ITPR1: variants seen among roughly 807,000 people sequenced by gnomAD.
ITPR1 encodes the protein inositol 1,4,5-trisphosphate receptor type 1.
In ITPR1, 96 loss-of-function variants were observed where a neutral mutation model predicts 318.4. The ratio of observed to expected loss-of-function variants is 0.30; its 90% CI spans 0.26 to 0.36. The LOEUF is 0.36. Among genes scored for constraint, ITPR1 ranks in the 10% least tolerant of loss-of-function variants. The probability of loss-of-function intolerance (pLI) is 1.00; values close to 1 mark genes in which losing one functional copy is unlikely to be tolerated. For missense variants in ITPR1, 2,440 were observed against 3,460.2 expected (o/e 0.71, Z 7.40); for synonymous variants, 1,312 against 1,289.9 (o/e 1.02, Z -0.37).
intron 40 of ITPR1, 144 bp from the exon 41 acceptor site, chr3:4,725,402 C>T (rs907995531): frequency 1.3e-5 from 9 of 698,906 alleles, no homozygotes; most frequent in Non-Finnish European, 2.1e-5. Context: ...TGCTGAAGCC[C>T]ACTTCGGCAG....
chr3:4,497,642 A>G (rs1282445893), intron 2 of ITPR1, among the ~76,000 whole-genome samples: 1 of 152,244 alleles, frequency 6.6e-6, no homozygotes, highest in Non-Finnish European at 1.5e-5. Context: ...TGTGGAAAAC[A>G]GCATGGCAGT....
intron 30 of ITPR1, among the ~76,000 whole-genome samples, chr3:4,685,487 T>A (rs2094377469): frequency 6.6e-6 from 1 of 152,250 alleles, no homozygotes; most frequent in South Asian, 2.1e-4. Flanking sequence ...CAACTTGGTC[T>A]GTGTCAGAGC....
intron 10 of ITPR1, among the ~76,000 whole-genome samples, chr3:4,647,051 G>T (rs375120364): frequency 6.6e-6 from 1 of 152,030 alleles, no homozygotes; most frequent in Admixed American, 6.6e-5. Flanking sequence ...CACCCAGAAG[G>T]TCCCTTGAGC....
chr3:4,754,081 C>T (rs2125351759), intron 44 of ITPR1, among the ~76,000 whole-genome samples: 1 of 148,866 alleles, frequency 6.7e-6, no homozygotes, highest in Middle Eastern at 3.4e-3. Context: ...TTCTTGGCAT[C>T]TGTATAAATT....
chr3:4,519,149 A>T (rs2082371629), intron 3 of ITPR1, among the ~76,000 whole-genome samples: 1 of 152,208 alleles, frequency 6.6e-6, no homozygotes, highest in South Asian at 2.1e-4. Flanking sequence ...GCAGAGTGCC[A>T]TCTACAATTC....
rs142955724 is a variant in ITPR1, at chr3:4,683,847, G to A, written c.3498+49G>A. ...GCCAAAGTGGATGGATGGGCTTCTCGAAACTAGGGAGCATCCTCTTCTGGT... is the reference window on the plus strand; with the variant it reads ...GCCAAAGTGGATGGATGGGCTTCTCAAAACTAGGGAGCATCCTCTTCTGGT... On this transcript the variant is annotated intron_variant, in intron 28 of 61. Transcript: ENST00000649015. 3.6e-4 allele frequency: 556 copies of A among 1,523,714 alleles called. 6 individuals are homozygous for A. The East Asian group carries it at 0.012, about 32-fold the overall frequency. 94.4% of individuals were successfully genotyped at this position (1,523,714 alleles called of 1,614,324 possible).
chr3:4,685,855 G>A (rs1437526302), intron 30 of ITPR1, among the ~76,000 whole-genome samples: 2 of 152,166 alleles, frequency 1.3e-5, no homozygotes, highest in African/African-American at 2.4e-5. Flanking sequence ...AGACCCACTC[G>A]GGTATTTGTG....
chr3:4,536,949 A>C (rs1299617453), intron 4 of ITPR1, among the ~76,000 whole-genome samples: 1 of 123,642 alleles, frequency 8.1e-6, no homozygotes, highest in Non-Finnish European at 1.6e-5. Flanking sequence ...CAAAAGGGGG[A>C]TTTTTTGGGG....
chr3:4,818,057 TG>T (rs1177665661), intron 59 of ITPR1, 24 bp from the exon 60 acceptor site: 9 of 1,582,240 alleles, frequency 5.7e-6, no homozygotes, highest in South Asian at 1.2e-5. Context: ...CAGCTGGGGC[TG>T]GGGGCTTTTT....
chr3:4,573,922 C>G (rs920085990), intron 4 of ITPR1, among the ~76,000 whole-genome samples: 2 of 152,204 alleles, frequency 1.3e-5, no homozygotes, highest in Non-Finnish European at 2.9e-5. Flanking sequence ...TACAGGGATT[C>G]TATCTCAGCA....
At chr3:4,704,357 A>G (rs2094714822) in intron 36 of ITPR1, among the ~76,000 whole-genome samples, 1 of 152,232 alleles carries the variant, frequency 6.6e-6, no homozygotes, top group African/African-American at 2.4e-5. Flanking sequence ...GGTTGCGGTG[A>G]GCCGAGATCA....
rs371364917 is a variant in ITPR1 at position 4,663,810 on chromosome 3, C to G, written c.1554+604C>G. Among the ~76,000 whole-genome samples, 7 of 152,198 alleles carry G rather than the reference C, an allele frequency of 4.6e-5. No homozygotes were observed. In the East Asian group the frequency reaches 7.7e-4, roughly 17 times the overall value. On this transcript the variant is annotated intron_variant, in intron 16 of 61. Transcript: ENST00000649015. ...AATCATCTGTGCTCCTCCTATTTGT[C>G]TGTCCTTCCTGCTAACCCTTCACAG... is the stretch of plus-strand genomic sequence containing the variant.
rs143712673 is a variant in ITPR1 at position 4,502,194 on chromosome 3, G to A, written c.-17+7688G>A. On this transcript the variant is annotated intron_variant, in intron 2 of 61. Transcript: ENST00000649015. ...CTCCCCACCCCCGTCTGTCCACCTC[G>A]CCAGATCCTTCTATTCCTTAGGGCC... Among the ~76,000 whole-genome samples the A allele has an allele frequency of 7.9e-3, 1,197 of 152,104 alleles. 8 individuals are homozygous for A. The highest frequency in any genetic ancestry group is 0.031 in the Middle Eastern group (9 of 294).
intron 4 of ITPR1, among the ~76,000 whole-genome samples, chr3:4,586,587 G>A (rs1216165153): frequency 6.8e-6 from 1 of 147,032 alleles, no homozygotes; most frequent in Non-Finnish European, 1.5e-5. Flanking sequence ...ATGGCTCCCT[G>A]CAGCTTTGAC....
In ITPR1 at chr3:4,663,126, C is replaced by A; in HGVS notation, c.1474C>A (p.Gln492Lys). The A allele has an allele frequency of 6.2e-7, 1 of 1,613,628 alleles. No homozygotes were observed. The highest frequency in any genetic ancestry group is 1.1e-5 in the South Asian group (1 of 91,036). Residue 492 changes from glutamine (Q) to lysine (K), a missense_variant, in exon 16 of 62, where the codon CAA becomes AAA. Physicochemically the swap from Gln to Lys is moderately conservative, Grantham distance 53. Around this residue, in one of 23 missense-constraint regions of ITPR1, gnomAD observed 478 missense variants for 696.3 expected, o/e 0.69. Transcript: ENST00000649015. ...YFVTGGTNSG[Q>K]DVLEVVFSKP... The stretch of plus-strand genomic sequence containing the variant: ...CGTCACTGGTGGAACTAATTCTGGT[C>A]AAGATGTTCTCGAAGTTGTCTTCTC...
At chr3:4,744,564 G>T (rs2043942129) in intron 44 of ITPR1, among the ~76,000 whole-genome samples, 1 of 152,194 alleles carries the variant, frequency 6.6e-6, no homozygotes, top group Non-Finnish European at 1.5e-5. Flanking sequence ...CCTGCTTCAG[G>T]GGCAGAGTTG....
rs2045963372 is a variant in ITPR1 at position 4,768,503 on chromosome 3, C to T, written c.5726-8C>T. ...TGCAGCCTTTCATGCCTTATGCTTG[C>T]TTTCTAGCTAAAGAGCCCACAACAC... On this transcript the variant is annotated splice_polypyrimidine_tract_variant and splice_region_variant and intron_variant, in intron 45 of 61. Coordinates refer to ENST00000649015, the MANE Select transcript of ITPR1 (RefSeq NM_001378452.1). 1.0e-5 allele frequency: 16 copies of T among 1,598,820 alleles called. No homozygotes were observed. Among genetic ancestry groups the T allele is most frequent in the Non-Finnish European group, 1.4e-5 (16 of 1,169,894 alleles).
At chr3:4,599,058 A>G (rs964523057) in intron 4 of ITPR1, among the ~76,000 whole-genome samples, 1 of 151,634 alleles carries the variant, frequency 6.6e-6, no homozygotes, top group Non-Finnish European at 1.5e-5. Flanking sequence ...TTTGGGAAAA[A>G]CCTATTGAAA....
intron 30 of ITPR1, among the ~76,000 whole-genome samples, 155 bp downstream of exon 30, chr3:4,685,361 G>C (rs2094375012): frequency 6.6e-6 from 1 of 152,254 alleles, no homozygotes; most frequent in African/African-American, 2.4e-5. Context: ...ATGAAACAGA[G>C]CATCTGAAAA....
Sources: gnomAD v4.1 joint callset for allele counts (sites outside exome capture counted in the v4.1 genomes callset) on GRCh38, gnomAD v4.1.1 for gene constraint, gnomAD v4.1.1 regional missense constraint, MANE v1.5 for transcripts, NCBI Gene and HGNC (gene_info 2026-07-23, HGNC 2026-07-21) for gene names.